The following SORBS2 variants were observed in gnomAD, a reference collection of about 807,000 sequenced individuals.
The protein encoded by SORBS2 is sorbin and SH3 domain-containing protein 2.
A neutral mutation model predicts 97.7 loss-of-function variants in SORBS2; 46 were observed. The observed-to-expected ratio is 0.47, with a 90% CI of 0.37 to 0.60. The LOEUF (loss-of-function observed/expected upper bound fraction) is 0.60, where lower values mean the gene tolerates loss of function less well. SORBS2 is among the 20% of genes least tolerant of loss of function. SORBS2 has a pLI of 0.00. For missense variants in SORBS2, 1,316 were observed against 1,282.3 expected, an observed-to-expected ratio of 1.03 and a Z score of -0.40; for synonymous variants, 476 against 473.4, an observed-to-expected ratio of 1.01 and a Z score of -0.07.
intron 2 of SORBS2, among the ~76,000 whole-genome samples, chr4:185,693,344 G>A (rs1369683267): frequency 2.6e-5 from 4 of 152,166 alleles, no homozygotes; most frequent in Admixed American, 1.3e-4. Flanking sequence ...GAGGGATACC[G>A]ATGAAGTCAG....
At chr4:185,644,421 A>C (rs1363556868) in intron 4 of SORBS2, among the ~76,000 whole-genome samples, 1 of 152,244 alleles carries the variant, frequency 6.6e-6, no homozygotes, top group Non-Finnish European at 1.5e-5. Flanking sequence ...ATTAGCCAAT[A>C]AATAAATTAA....
chr4:185,919,621 T>C (rs2099260052), intron 1 of SORBS2, among the ~76,000 whole-genome samples: 1 of 152,106 alleles, frequency 6.6e-6, no homozygotes, highest in African/African-American at 2.4e-5. Context: ...GGAAAAGCAG[T>C]CAAAATGAGA....
chr4:185,902,688 TAAA>T (rs79092738), intron 1 of SORBS2, among the ~76,000 whole-genome samples: 5 of 139,788 alleles, frequency 3.6e-5, no homozygotes, highest in African/African-American at 2.6e-5. Flanking sequence ...TGTTTTTACT[TAAA>T]AAAAAAAAAA....
chr4:185,644,471 T>C (rs1399009376), intron 4 of SORBS2, among the ~76,000 whole-genome samples: 1 of 152,216 alleles, frequency 6.6e-6, no homozygotes, highest in African/African-American at 2.4e-5. Context: ...ATCAAATAAC[T>C]GCTACTTCAA....
At chr4:185,649,516 G>C (rs1460645904) in exon 3 of SORBS2, 1 of 1,603,604 alleles carries the variant, frequency 6.2e-7, no homozygotes, top group Admixed American at 1.7e-5. Context: ...ACTGGAGGTG[G>C]AACATGTGGG....
intron 2 of SORBS2, among the ~76,000 whole-genome samples, chr4:185,743,980 C>A (rs1233939752): frequency 7.2e-6 from 1 of 138,608 alleles, no homozygotes; most frequent in Non-Finnish European, 1.5e-5. Context: ...TTCTTCCTCC[C>A]CTCCTCCTCC....
chr4:185,687,793 A>T (rs1372421153), intron 2 of SORBS2, among the ~76,000 whole-genome samples: 8 of 152,188 alleles, frequency 5.3e-5, no homozygotes, highest in African/African-American at 1.9e-4. Context: ...GCATTTGTAA[A>T]ATTGCTGGAA....
intron 1 of SORBS2, among the ~76,000 whole-genome samples, chr4:185,902,491 G>T (rs1266371190): frequency 6.6e-6 from 1 of 152,036 alleles, no homozygotes; most frequent in Non-Finnish European, 1.5e-5. Flanking sequence ...ACATCTTAAG[G>T]TGAGGGCATT....
intron 1 of SORBS2, among the ~76,000 whole-genome samples, chr4:185,849,919 C>A (rs181160132): frequency 6.6e-6 from 1 of 152,290 alleles, no homozygotes; most frequent in East Asian, 1.9e-4. Flanking sequence ...GTTAAAATTA[C>A]AAGAACAACT....
intron 1 of SORBS2, among the ~76,000 whole-genome samples, chr4:185,867,554 A>G (rs191477277): frequency 6.6e-6 from 1 of 152,280 alleles, no homozygotes. Context: ...TTAGTCCAAG[A>G]AGTCAGAGGG....
At chr4:185,601,798 C>T (rs1433508699) in intron 12 of SORBS2, among the ~76,000 whole-genome samples, 1 of 151,898 alleles carries the variant, frequency 6.6e-6, no homozygotes, top group Non-Finnish European at 1.5e-5. Flanking sequence ...ATGTTGAAAA[C>T]CGTGCGCCGG....
chr4:185,759,724 A>T (rs34636974), intron 2 of SORBS2, among the ~76,000 whole-genome samples: 1 of 152,200 alleles, frequency 6.6e-6, no homozygotes, highest in East Asian at 1.9e-4. Flanking sequence ...AGTGATAAAT[A>T]TTCAAAGATA....
chr4:185,751,190 A>AAAAAAG, intron 2 of SORBS2, among the ~76,000 whole-genome samples: 2 of 86,506 alleles, frequency 2.3e-5, no homozygotes, highest in South Asian at 4.7e-4. Flanking sequence ...AAAAAAAAAA[A>AAAAAAG]AGAGAAAGAG....
intron 3 of SORBS2, among the ~76,000 whole-genome samples, chr4:185,647,438 A>T (rs2097229189): frequency 1.4e-5 from 2 of 143,712 alleles, no homozygotes; most frequent in African/African-American, 2.6e-5. Flanking sequence ...TTCGAGACAG[A>T]GTCTTCCTCT....
intron 1 of SORBS2, chr4:185,894,301 T>A (rs1238690830): frequency 1.3e-5 from 2 of 152,226 alleles, no homozygotes; most frequent in Non-Finnish European, 2.9e-5. Flanking sequence ...ACTCACCAGG[T>A]GCTTCATGGC....
intron 9 of SORBS2, among the ~76,000 whole-genome samples, chr4:185,616,766 T>G (rs1363969138): frequency 6.6e-6 from 1 of 152,218 alleles, no homozygotes; most frequent in Non-Finnish European, 1.5e-5. Flanking sequence ...TATTTGTTTT[T>G]GAGATGGAGT....
intron 1 of SORBS2, among the ~76,000 whole-genome samples, chr4:185,863,600 G>C (rs2099225145): frequency 6.6e-6 from 1 of 152,094 alleles, no homozygotes; most frequent in African/African-American, 2.4e-5. Context: ...TATCTTGCCA[G>C]GGTCTTTAAA....
At chr4:185,908,610 A>C (rs1439555048) in intron 1 of SORBS2, among the ~76,000 whole-genome samples, 1 of 151,874 alleles carries the variant, frequency 6.6e-6, no homozygotes, top group Non-Finnish European at 1.5e-5. Context: ...AATGATTCTG[A>C]AGCTGTACTG....
At chr4:185,657,488 T>G, upstream of SORBS2, 1 of 1,569,530 alleles carries the variant, frequency 6.4e-7, no homozygotes. Flanking sequence ...ATGCGGGGCT[T>G]TGATGACTGT....
Sources: allele counts gnomAD v4.1 joint callset (sites outside exome capture counted in the v4.1 genomes callset), GRCh38; gene constraint gnomAD v4.1.1; transcripts MANE v1.5; gene names NCBI Gene and HGNC (gene_info 2026-07-23, HGNC 2026-07-21).